CYP46A1: variants seen among roughly 807,000 people sequenced by gnomAD.
CYP46A1 encodes the protein cholesterol 24-hydroxylase.
CYP46A1 carries 20 observed loss-of-function variants against 63.3 expected under a neutral mutation model. The observed-to-expected ratio is 0.32, with a 90% CI of 0.22 to 0.46. The LOEUF (loss-of-function observed/expected upper bound fraction) is 0.46, where lower values mean the gene tolerates loss of function less well. CYP46A1 is among the 20% of genes least tolerant of loss of function. The pLI is 1.00. For missense variants in CYP46A1, 445 were observed against 670.8 expected, an observed-to-expected ratio of 0.66 and a Z score of 3.72; for synonymous variants, 268 against 273.6, an observed-to-expected ratio of 0.98 and a Z score of 0.20.
At chr14:99,689,760 C>T (rs2056527510) in intron 1 of CYP46A1, among the ~76,000 whole-genome samples, 1 of 152,206 alleles carries the variant, frequency 6.6e-6, no homozygotes, top group African/African-American at 2.4e-5. Context: ...TGTTCTGAGC[C>T]CTCGTCACCT....
chr14:99,685,142 C>T (rs2056481714), intron 1 of CYP46A1, among the ~76,000 whole-genome samples: 1 of 142,556 alleles, frequency 7.0e-6, no homozygotes, highest in African/African-American at 2.6e-5. Flanking sequence ...TGTGTCATTT[C>T]CCTGCTCCAA....
At chr14:99,699,020 G>C (rs115004977) in intron 3 of CYP46A1, among the ~76,000 whole-genome samples, 2,411 of 152,204 alleles carry the variant, frequency 0.016, 48 homozygotes, top group African/African-American at 0.056. Flanking sequence ...ACACTTCCTT[G>C]ACTGCCCGGC....
At chr14:99,691,275 C>G in intron 2 of CYP46A1, 114 bp downstream of exon 2, 1 of 1,028,702 alleles carries the variant, frequency 9.7e-7, no homozygotes, top group Non-Finnish European at 1.5e-6. Flanking sequence ...CCAGGTTACT[C>G]CCAGCCCCAG....
chr14:99,690,884 G>C (rs1053190238), intron 1 of CYP46A1, among the ~76,000 whole-genome samples, 197 bp from the exon 2 acceptor site: 1 of 152,070 alleles, frequency 6.6e-6, no homozygotes, highest in Admixed American at 6.5e-5. Flanking sequence ...TCTCCAAGGG[G>C]GTCTTTGGAG....
At chr14:99,720,108 C>A (rs892378641) in intron 10 of CYP46A1, among the ~76,000 whole-genome samples, 6 of 152,124 alleles carry the variant, frequency 3.9e-5, no homozygotes, top group Non-Finnish European at 7.4e-5. Context: ...TTGTAAGCAT[C>A]GGTCCCATTT....
chr14:99,691,904 C>T (rs4900442), intron 3 of CYP46A1, 43 bp downstream of exon 3: 738,114 of 1,594,892 alleles, frequency 0.46, 172,128 homozygotes, highest in Admixed American at 0.55. Flanking sequence ...CCCTGCCTTT[C>T]CTTGGGTTGG....
intron 6 of CYP46A1, 49 bp downstream of exon 6, chr14:99,706,834 G>A (rs1375316732): frequency 1.9e-6 from 3 of 1,593,486 alleles, no homozygotes; most frequent in Non-Finnish European, 2.6e-6. Context: ...ACATGGGGTA[G>A]AGGGGTCTCT....
intron 7 of CYP46A1, 77 bp downstream of exon 7, chr14:99,707,755 A>ATTT (rs34955990): frequency 2.9e-4 from 281 of 972,840 alleles, no homozygotes; most frequent in East Asian, 1.0e-3. Context: ...TCCTTCAGTG[A>ATTT]TTTTTTTTTT....
rs2056618808 is a variant in CYP46A1, at chr14:99,700,155, T to A, written c.443+54T>A. The A allele has an allele frequency of 1.1e-5, 16 of 1,420,306 alleles. 1 individual carries two copies. In the South Asian group the frequency reaches 2.0e-4, roughly 18 times the overall value. The allele number at this position is 1,420,306 out of a possible 1,614,324, so 88.0% of individuals were successfully genotyped here. A position where few individuals can be genotyped will look rare whatever the true frequency, so the allele number is the denominator to read the frequency against. The stretch of plus-strand genomic sequence containing the variant: ...CTGCCTGGCCAGAGGCAGTAGGGGC[T>A]GCCGAAGTGTAGGTGGGCCTTGGGG... On this transcript the variant is annotated intron_variant, in intron 5 of 14. Coordinates refer to ENST00000261835, the MANE Select transcript of CYP46A1 (RefSeq NM_006668.2).
At chr14:99,685,587 G>A (rs1185411688) in intron 1 of CYP46A1, among the ~76,000 whole-genome samples, 1 of 151,968 alleles carries the variant, frequency 6.6e-6, no homozygotes, top group Non-Finnish European at 1.5e-5. Flanking sequence ...TGCCTGGCGT[G>A]TTGCAGATCT....
intron 1 of CYP46A1, 139 bp downstream of exon 1, chr14:99,684,675 G>A (rs1285829370): frequency 1.4e-6 from 1 of 716,470 alleles, no homozygotes. Context: ...CCCGAGAGGG[G>A]CGCTAACTAT....
rs190506993 is a variant in CYP46A1 at position 99,714,873 on chromosome 14, T to C, written c.694-937T>C. ...GGAGCAGTCTGGATGGAACTGGAGATCATTATGTTAAGTGAAACAAGGCAA... is the reference window on the plus strand; with the variant it reads ...GGAGCAGTCTGGATGGAACTGGAGACCATTATGTTAAGTGAAACAAGGCAA... On this transcript the variant is annotated intron_variant, in intron 7 of 14. Coordinates refer to ENST00000261835, the MANE Select transcript of CYP46A1 (RefSeq NM_006668.2). 1.3e-4 allele frequency among the ~76,000 whole-genome samples: 19 copies of C among 151,540 alleles called. No homozygotes were observed. The East Asian group carries it at 3.7e-3, about 29-fold the overall frequency.
At chr14:99,711,307 A>T (rs2056729430) in intron 7 of CYP46A1, 1 of 152,104 alleles carries the variant, frequency 6.6e-6, no homozygotes, top group Admixed American at 6.5e-5. Flanking sequence ...ATATCAGTGC[A>T]GAATTAAAGG....
At chr14:99,687,542 A>G (rs988571394) in intron 1 of CYP46A1, among the ~76,000 whole-genome samples, 1 of 152,094 alleles carries the variant, frequency 6.6e-6, no homozygotes, top group African/African-American at 2.4e-5. Context: ...ATGAGCCACA[A>G]TCATGGTCCC....
At chr14:99,717,942 T>G in intron 9 of CYP46A1, 112 bp from the exon 10 acceptor site, 1 of 813,336 alleles carries the variant, frequency 1.2e-6, no homozygotes, top group Non-Finnish European at 2.0e-6. Flanking sequence ...GCCAGATGCC[T>G]GGGGGCACAT....
At chr14:99,715,996 G>T in intron 8 of CYP46A1, 36 bp downstream of exon 8, 2 of 1,594,280 alleles carry the variant, frequency 1.3e-6, no homozygotes, top group South Asian at 2.3e-5. Context: ...GGGAGGGCGG[G>T]GTGGGCCAGG....
intron 6 of CYP46A1, among the ~76,000 whole-genome samples, chr14:99,707,250 C>G (rs962015699): frequency 1.3e-5 from 2 of 152,180 alleles, no homozygotes; most frequent in African/African-American, 4.8e-5. Flanking sequence ...ATTGCTATTC[C>G]TTTATCATTT....
chr14:99,716,062 C>A (rs749642951), intron 8 of CYP46A1, 75 bp from the exon 9 acceptor site: 2 of 1,610,096 alleles, frequency 1.2e-6, no homozygotes, highest in Non-Finnish European at 1.7e-6. Context: ...AGGAGAAACA[C>A]AGTTAGTTAT....
intron 1 of CYP46A1, among the ~76,000 whole-genome samples, chr14:99,685,667 A>T (rs1379857689): frequency 6.6e-6 from 1 of 151,988 alleles, no homozygotes; most frequent in African/African-American, 2.4e-5. Context: ...TCAGGACATG[A>T]ATATTCTGGA....
Sources: allele counts gnomAD v4.1 joint callset (sites outside exome capture counted in the v4.1 genomes callset), GRCh38; gene constraint gnomAD v4.1.1; transcripts MANE v1.5; gene names NCBI Gene and HGNC (gene_info 2026-07-23, HGNC 2026-07-21).